The following RNPS1 variants were observed in gnomAD, a reference collection of about 807,000 sequenced individuals.
RNPS1 encodes RNA-binding protein with serine-rich domain 1.
For missense variants in RNPS1, 300 were observed against 427.6 expected, an observed-to-expected ratio of 0.70 and a Z score of 2.63; for synonymous variants, 147 against 150.0, an observed-to-expected ratio of 0.98 and a Z score of 0.15.
At chr16:2,255,489 T>G (rs1317946278) in intron 7 of RNPS1, 96 bp downstream of exon 7, 1 of 1,402,510 alleles carries the variant, frequency 7.1e-7, no homozygotes, top group East Asian at 2.3e-5. Flanking sequence ...CGCACAGCAG[T>G]GGAAGGCAGG....
chr16:2,257,269 T>C (rs1278283268), intron 6 of RNPS1: 1 of 152,040 alleles, frequency 6.6e-6, no homozygotes, highest in African/African-American at 2.4e-5. Flanking sequence ...CCCTAAGGGG[T>C]AAAGGGCTCT....
chr16:2,255,810 G>T, intron 6 of RNPS1, 84 bp from the exon 7 acceptor site: 1 of 1,410,980 alleles, frequency 7.1e-7, no homozygotes, highest in Non-Finnish European at 9.8e-7. Flanking sequence ...ACAGGCCTGG[G>T]GGGACAATGA....
chr16:2,262,601 A>G (rs2093607638), intron 5 of RNPS1, 139 bp downstream of exon 5: 3 of 944,580 alleles, frequency 3.2e-6, no homozygotes, highest in Non-Finnish European at 4.8e-6. Flanking sequence ...ATGGTCCACC[A>G]AGAGGAACGA....
chr16:2,259,095 C>G lies in RNPS1; in HGVS notation c.676+3183G>C, dbSNP rs572975398. ...CCAAGATTGCACCATTGTACTCCAG[C>G]CTGGGCAACAAGAGCAGAAAAAAGT... is the stretch of plus-strand genomic sequence containing the variant. On this transcript the variant is annotated intron_variant, in intron 6 of 7. Coordinates refer to ENST00000320225, the MANE Select transcript of RNPS1 (RefSeq NM_080594.4). 5.4e-5 allele frequency among the ~76,000 whole-genome samples: 8 copies of G among 148,872 alleles called. No homozygotes were observed. The South Asian group carries it at 1.7e-3, about 32-fold the overall frequency.
intron 6 of RNPS1, among the ~76,000 whole-genome samples, chr16:2,261,970 T>C (rs1596809305): frequency 1.3e-5 from 2 of 152,190 alleles, no homozygotes; most frequent in Non-Finnish European, 2.9e-5. Flanking sequence ...GCTTAAAAAA[T>C]ATATAAGCTC....
intron 3 of RNPS1, 40 bp from the exon 4 acceptor site, chr16:2,263,327 G>T (rs371660839): frequency 6.2e-7 from 1 of 1,603,196 alleles, no homozygotes; most frequent in East Asian, 2.2e-5. Context: ...CACACACCAA[G>T]TCTCACAGTA....
rs199762931 is a variant in RNPS1 at position 2,264,361 on chromosome 16, G to A, written c.72-30C>T. 8.1e-6 allele frequency: 13 copies of A among 1,613,946 alleles called. No individual in the cohort carries two copies. In the East Asian group the frequency reaches 8.9e-5, roughly 11 times the overall value. On this transcript the variant is annotated intron_variant, in intron 2 of 7. Transcript: ENST00000320225. Reference sequence around the variant, plus strand: ...ATGGTGAGGAAGAGTGTGAGATTGCGTGCTCCTCTGACCAAACCCAAACAG... The same window carrying A: ...ATGGTGAGGAAGAGTGTGAGATTGCATGCTCCTCTGACCAAACCCAAACAG...
At position 2,255,683 on chromosome 16, in the gene RNPS1, G is replaced by A. The variant is rs1487017874; in HGVS notation, c.720C>T (p.Ala240=). The change falls in exon 7 of 8, where the codon GCC becomes GCT. Residue 240 remains alanine (A), a synonymous_variant. Transcript: ENST00000320225. Reference sequence around the variant, plus strand: ...TCCTGGGGGGTGGCCTAGGCCAGGGGGCCAGCACGGCGGTGGCAGTGATCT... The same window carrying A: ...TCCTGGGGGGTGGCCTAGGCCAGGGAGCCAGCACGGCGGTGGCAGTGATCT... ...GQEITATAVL[A]PWPRPPPRRF... The A allele has an allele frequency of 1.9e-6, 3 of 1,613,804 alleles. No individual in the cohort carries two copies. The highest frequency in any genetic ancestry group is 2.5e-6 in the Non-Finnish European group (3 of 1,179,938).
At chr16:2,267,702 G>T in intron 1 of RNPS1, 1 of 1,211,938 alleles carries the variant, frequency 8.3e-7, no homozygotes, top group Non-Finnish European at 1.0e-6. Context: ...GCGCTTCCAG[G>T]GCAGGGCCTG....
intron 1 of RNPS1, chr16:2,265,486 A>AC (rs2093621509): frequency 3.5e-5 from 5 of 143,288 alleles, no homozygotes; most frequent in Admixed American, 2.1e-4. Flanking sequence ...TTAACCTCTG[A>AC]TTTTTTTTTT....
At chr16:2,263,870 G>T (rs1013907304) in intron 3 of RNPS1, 3 of 334,282 alleles carry the variant, frequency 9.0e-6, no homozygotes, top group African/African-American at 2.2e-5. Context: ...ATGCCACCAC[G>T]CTCAGCTAAT....
At chr16:2,255,504 G>T in intron 7 of RNPS1, 81 bp downstream of exon 7, 1 of 1,471,992 alleles carries the variant, frequency 6.8e-7, no homozygotes, top group Non-Finnish European at 9.1e-7. Flanking sequence ...GGCAGGCAGG[G>T]CTGAATAAAG....
At chr16:2,260,521 T>G (rs927941608) in intron 6 of RNPS1, among the ~76,000 whole-genome samples, 1 of 152,184 alleles carries the variant, frequency 6.6e-6, no homozygotes, top group Non-Finnish European at 1.5e-5. Context: ...TCCTATTTTG[T>G]GTACACAGTC....
At position 2,264,676 on chromosome 16, in the gene RNPS1, G is replaced by A. The variant is rs780216755; in HGVS notation, c.-33C>T. The A allele has an allele frequency of 6.2e-7, 1 of 1,607,482 alleles. No individual in the cohort carries two copies. The highest frequency in any genetic ancestry group is 8.5e-7 in the Non-Finnish European group (1 of 1,179,310). On this transcript the variant is annotated 5_prime_UTR_variant, in exon 2 of 8. Coordinates refer to ENST00000320225, the MANE Select transcript of RNPS1 (RefSeq NM_080594.4). The stretch of plus-strand genomic sequence containing the variant: ...TTCTGAGGTGTTCAAAGCAGCAATG[G>A]CGGCCTCACTTATCTGAACTCTCAC...
At chr16:2,267,251 G>C (rs1034378918) in intron 1 of RNPS1, 114 of 985,306 alleles carry the variant, frequency 1.2e-4, no homozygotes, top group Non-Finnish European at 1.2e-4. Flanking sequence ...CAGCCAGAGA[G>C]AGGAGAGAAC....
chr16:2,257,287 T>C (rs931918887), intron 6 of RNPS1: 3 of 152,104 alleles, frequency 2.0e-5, no homozygotes, highest in Admixed American at 6.5e-5. Context: ...TCTTTTGTTT[T>C]CTCAACTACC....
intron 4 of RNPS1, 71 bp from the exon 5 acceptor site, chr16:2,262,913 G>T: frequency 7.3e-7 from 1 of 1,373,308 alleles, no homozygotes; most frequent in Non-Finnish European, 1.0e-6. Flanking sequence ...TTTCGAGTAA[G>T]CTCTTATCTG....
Position 2,253,765 on chromosome 16 carries a change from A to C in RNPS1, c.*199T>G. 3.3e-5 allele frequency: 22 copies of C among 673,680 alleles called. No homozygotes were observed. The highest frequency in any genetic ancestry group is 4.6e-5 in the Non-Finnish European group (17 of 367,326). 41.7% of individuals were successfully genotyped at this position (673,680 alleles called of 1,614,324 possible). The stretch of plus-strand genomic sequence containing the variant: ...CTTTCTAGCCAGAAAACCGGAGGGA[A>C]TCTTGACAGGCACACAGCATCCAAA... On this transcript the variant is annotated 3_prime_UTR_variant, in exon 8 of 8. Transcript: ENST00000320225.
chr16:2,261,459 AAG>A (rs2141568064), intron 6 of RNPS1, among the ~76,000 whole-genome samples: 1 of 152,350 alleles, frequency 6.6e-6, no homozygotes, highest in South Asian at 2.1e-4. Context: ...AGCAGCCAGA[AAG>A]ATTACAATGC....
Sources: allele counts gnomAD v4.1 joint callset (sites outside exome capture counted in the v4.1 genomes callset), GRCh38; gene constraint gnomAD v4.1.1; transcripts MANE v1.5; gene names NCBI Gene and HGNC (gene_info 2026-07-23, HGNC 2026-07-21).